STEEP1: variants seen among roughly 807,000 people sequenced by gnomAD.
STEEP1 encodes STING1 ER exit protein 1.
A neutral mutation model predicts 19.2 loss-of-function variants in STEEP1; 3 were observed. That is an observed-to-expected ratio of 0.16 (90% CI 0.07 to 0.40). The LOEUF (loss-of-function observed/expected upper bound fraction) is 0.40. Among genes scored for constraint, STEEP1 ranks in the 10% least tolerant of loss-of-function variants. The pLI is 0.99. For synonymous variants in STEEP1, 46 were observed against 63.7 expected (o/e 0.72, Z 1.32); for missense variants, 54 against 177.1 (o/e 0.30, Z 3.94).
At chrX:119,546,046 A>G (rs1038770771) in intron 2 of STEEP1, among the ~76,000 whole-genome samples, 1 of 111,293 alleles carries the variant, frequency 9.0e-6, no homozygotes, top group Non-Finnish European at 1.9e-5. Flanking sequence ...TGTAGTCATA[A>G]TCATAGGTAG....
Position 119,551,337 on chromosome X carries a change from G to A in STEEP1, c.243-5833C>T, listed in dbSNP as rs992759792. 4.6e-5 allele frequency among the ~76,000 whole-genome samples: 5 copies of A among 109,633 alleles called. No homozygotes were observed. In the East Asian group the frequency reaches 1.1e-3, roughly 25 times the overall value. On this transcript the variant is annotated intron_variant, in intron 2 of 6. Coordinates refer to ENST00000644802, the MANE Select transcript of STEEP1 (RefSeq NM_022101.4). ...CTCTACTAAATACAAAAAATTAGCC[G>A]GGCATGGTGGTACGTGCCTGTAATC...
In STEEP1 at chrX:119,552,926, G is replaced by GC. The variant is rs758309957; in HGVS notation, c.242+7341dup. On this transcript the variant is annotated intron_variant, in intron 2 of 6. Coordinates refer to ENST00000644802, the MANE Select transcript of STEEP1 (RefSeq NM_022101.4). ...ACCTGTAATCCCAGCACTTTGGGAG[G>GC]CTGAGGTGGGCAGATCACCTGAGGT... is the stretch of plus-strand genomic sequence containing the variant. Among the ~76,000 whole-genome samples the GC allele has an allele frequency of 1.2e-3, 137 of 111,371 alleles. 1 individual carries two copies. Among genetic ancestry groups the GC allele is most frequent in the African/African-American group, 4.2e-3 (129 of 30,769 alleles).
At chrX:119,554,166 C>T (rs982637383) in intron 2 of STEEP1, among the ~76,000 whole-genome samples, 5 of 112,130 alleles carry the variant, frequency 4.5e-5, no homozygotes, top group African/African-American at 1.6e-4. Flanking sequence ...CATTCTCGGC[C>T]GGGCACGGTG....
At chrX:119,562,225 C>T (rs890466937) in intron 1 of STEEP1, among the ~76,000 whole-genome samples, 2 of 111,363 alleles carry the variant, frequency 1.8e-5, no homozygotes, top group East Asian at 2.8e-4. Context: ...GGTGAAACCC[C>T]GTCTCTCCTA....
intron 2 of STEEP1, among the ~76,000 whole-genome samples, chrX:119,557,169 A>AAAAAAAAAAG (rs1422611693): frequency 1.9e-5 from 2 of 105,365 alleles, no homozygotes; most frequent in Non-Finnish European, 3.9e-5. Flanking sequence ...AAAAAAAAAA[A>AAAAAAAAAAG]AAAAGAAAAG....
In STEEP1 at chrX:119,539,768, C is replaced by T; in HGVS notation, c.628G>A (p.Ala210Thr). The T allele has an allele frequency of 8.3e-7, 1 of 1,206,906 alleles. No homozygotes were observed. The highest frequency in any genetic ancestry group is 1.1e-6 in the Non-Finnish European group (1 of 892,021). ...QELAELEAKK[A>T]KMKGTLIDNQ... is the part of the protein sequence containing the mutation. ...TCAATCAAGGTCCCCTTCATTTTCGCTTTCTTGGCTTCCAATTCAGCCTAG... is the reference window on the plus strand; with the variant it reads ...TCAATCAAGGTCCCCTTCATTTTCGTTTTCTTGGCTTCCAATTCAGCCTAG... The change falls in exon 7 of 7, where the codon GCG (alanine) becomes ACG (threonine). Residue 210 changes from alanine to threonine, a missense_variant. Transcript: ENST00000644802.
chrX:119,557,155 CAAA>C lies in STEEP1; in HGVS notation c.242+3110_242+3112del, dbSNP rs61087266. Among the ~76,000 whole-genome samples, 69 of 47,755 alleles carry C rather than the reference CAAA, an allele frequency of 1.4e-3. 2 individuals carry two copies. Among genetic ancestry groups the C allele is most frequent in the African/African-American group, 4.8e-3 (66 of 13,724 alleles). The allele number at this position is 47,755 out of a possible 115,157, so 41.5% of individuals were successfully genotyped here. On this transcript the variant is annotated intron_variant, in intron 2 of 6. Coordinates refer to ENST00000644802, the MANE Select transcript of STEEP1 (RefSeq NM_022101.4). ...TGGGTGACAGAGCGAGACTCTATCT[CAAA>C]AAAAAAAAAAAAAAAGAAAAGAAAG...
In STEEP1 at chrX:119,539,132, A is replaced by T. The variant is rs1225482093; in HGVS notation, c.*595T>A. The T allele has an allele frequency of 8.9e-6, 1 of 112,386 alleles. No individual in the cohort carries two copies. The highest frequency in any genetic ancestry group is 3.2e-5 in the African/African-American group (1 of 30,967). The allele number at this position is 112,386 out of a possible 1,213,427, so 9.3% of individuals were successfully genotyped here. A position where few individuals can be genotyped will look rare whatever the true frequency, so the allele number is the denominator to read the frequency against. ...AGAGACTGGAGACACTCAAGCACTC[A>T]TCTATTCATAAAGTTTCTACACAGC... On this transcript the variant is annotated 3_prime_UTR_variant, in exon 7 of 7. Coordinates refer to ENST00000644802, the MANE Select transcript of STEEP1 (RefSeq NM_022101.4).
intron 1 of STEEP1, among the ~76,000 whole-genome samples, chrX:119,561,402 C>T (rs371568260): frequency 1.8e-5 from 2 of 111,188 alleles, no homozygotes; most frequent in African/African-American, 3.3e-5. Flanking sequence ...CGGTGGCTCA[C>T]GCTTGTAATC....
rs1184952700 is a variant in STEEP1 at position 119,561,216 on chromosome X, G to C, written c.125-831C>G. 3.7e-5 allele frequency among the ~76,000 whole-genome samples: 4 copies of C among 109,524 alleles called. No homozygotes were observed. In the East Asian group the frequency reaches 8.6e-4, roughly 24 times the overall value. ...ATTGTGCCACTGCACTTCAGCCTGG[G>C]CAACAGAGCGAGACTCCGTCAAAAA... is the stretch of plus-strand genomic sequence containing the variant. On this transcript the variant is annotated intron_variant, in intron 1 of 6. Coordinates refer to ENST00000644802, the MANE Select transcript of STEEP1 (RefSeq NM_022101.4).
At chrX:119,545,591 C>T (rs1403935418) in intron 2 of STEEP1, 87 bp from the exon 3 acceptor site, 1 of 668,107 alleles carries the variant, frequency 1.5e-6, no homozygotes, top group South Asian at 2.2e-5. Context: ...CGCTAAGAGG[C>T]CCTTTCAAAA....
intron 1 of STEEP1, among the ~76,000 whole-genome samples, chrX:119,561,302 A>T (rs2053319534): frequency 8.9e-6 from 1 of 111,943 alleles, no homozygotes; most frequent in African/African-American, 3.2e-5. Flanking sequence ...TCCTAGTTGG[A>T]GGAATTTTAA....
chrX:119,546,427 C>T (rs940825320), intron 2 of STEEP1, among the ~76,000 whole-genome samples: 2 of 78,998 alleles, frequency 2.5e-5, no homozygotes, highest in African/African-American at 5.3e-5. Context: ...GGTGACGGAA[C>T]GAGACTCCAT....
At chrX:119,539,926 T>C (rs1286418347) in intron 6 of STEEP1, 137 bp from the exon 7 acceptor site, 2 of 441,783 alleles carry the variant, frequency 4.5e-6, no homozygotes, top group Non-Finnish European at 7.7e-6. Context: ...AATCATTATA[T>C]ACCTCTAACA....
At chrX:119,560,061 A>G (rs2053310517) in intron 2 of STEEP1, among the ~76,000 whole-genome samples, 1 of 111,935 alleles carries the variant, frequency 8.9e-6, no homozygotes, top group Admixed American at 9.5e-5. Flanking sequence ...TCAATTAAAA[A>G]AAAAAAGCAA....
chrX:119,563,252 G>T (rs756878538), intron 1 of STEEP1, among the ~76,000 whole-genome samples: 1 of 111,911 alleles, frequency 8.9e-6, no homozygotes, highest in South Asian at 3.7e-4. Flanking sequence ...TACAGTGTTA[G>T]AAGTGGAGGT....
intron 4 of STEEP1, among the ~76,000 whole-genome samples, chrX:119,543,509 G>C (rs2053179928): frequency 9.1e-6 from 1 of 109,349 alleles, no homozygotes; most frequent in South Asian, 3.9e-4. Flanking sequence ...TTAAGAGACA[G>C]GGTCTTACTG....
chrX:119,545,142 T>C (rs1267759764), intron 3 of STEEP1, among the ~76,000 whole-genome samples: 1 of 107,557 alleles, frequency 9.3e-6, no homozygotes, highest in Admixed American at 1.0e-4. Flanking sequence ...TGAACTCAGG[T>C]CAGGAGTTCG....
chrX:119,545,346 C>G, intron 3 of STEEP1, 117 bp downstream of exon 3: 4 of 462,156 alleles, frequency 8.7e-6, no homozygotes, highest in Non-Finnish European at 1.5e-5. Context: ...GAGCAAGACT[C>G]TGTCTCAAAA....
Sources: allele counts gnomAD v4.1 joint callset (sites outside exome capture counted in the v4.1 genomes callset), GRCh38; gene constraint gnomAD v4.1.1; transcripts MANE v1.5; gene names NCBI Gene and HGNC (gene_info 2026-07-23, HGNC 2026-07-21).